DRD2: variants seen among roughly 807,000 people sequenced by gnomAD.
DRD2 encodes D(2) dopamine receptor.
A neutral mutation model predicts 38.0 loss-of-function variants in DRD2; 8 were observed. The observed-to-expected ratio is 0.21, with a 90% CI of 0.12 to 0.38. The LOEUF (loss-of-function observed/expected upper bound fraction) is 0.38. Ranked by LOEUF, DRD2 falls within the 10% of genes least tolerant of loss-of-function variation. The probability of loss-of-function intolerance (pLI) is 1.00; values close to 1 mark genes in which losing one functional copy is unlikely to be tolerated. For missense variants in DRD2, 403 were observed against 607.7 expected, an observed-to-expected ratio of 0.66 and a Z score of 3.54; for synonymous variants, 230 against 238.6, an observed-to-expected ratio of 0.96 and a Z score of 0.33.
intron 1 of DRD2, among the ~76,000 whole-genome samples, chr11:113,438,897 G>A (rs4620755): frequency 0.18 from 28,051 of 152,102 alleles, 3,103 homozygotes; most frequent in East Asian, 0.43. Context: ...GTGGATGTCT[G>A]ACATGCAGAA....
intron 2 of DRD2, among the ~76,000 whole-genome samples, chr11:113,423,118 C>A (rs1950902036): frequency 6.6e-6 from 1 of 152,120 alleles, no homozygotes; most frequent in Non-Finnish European, 1.5e-5. Flanking sequence ...ACCGATGATC[C>A]CTAAATGCTC....
intron 1 of DRD2, among the ~76,000 whole-genome samples, chr11:113,433,420 A>G (rs1384696830): frequency 6.6e-6 from 1 of 152,180 alleles, no homozygotes; most frequent in Admixed American, 6.5e-5. Flanking sequence ...CTAGAGACCT[A>G]GGCTGGGGGA....
chr11:113,445,099 AC>A (rs917777217), intron 1 of DRD2, among the ~76,000 whole-genome samples: 4 of 152,200 alleles, frequency 2.6e-5, no homozygotes, highest in African/African-American at 9.7e-5. Flanking sequence ...TTCTGAAAAC[AC>A]CTGACCAGCA....
intron 1 of DRD2, among the ~76,000 whole-genome samples, chr11:113,466,220 A>G (rs559791393): frequency 6.6e-6 from 1 of 152,350 alleles, no homozygotes; most frequent in South Asian, 2.1e-4. Flanking sequence ...TTGTGGAAAG[A>G]TAGGTTCAAA....
At chr11:113,434,159 G>A (rs1307368248) in intron 1 of DRD2, among the ~76,000 whole-genome samples, 3 of 152,200 alleles carry the variant, frequency 2.0e-5, no homozygotes, top group South Asian at 2.1e-4. Flanking sequence ...TGTGCTCCTC[G>A]GTGACACCCA....
chr11:113,432,288 TTCTCTCTCTC>T (rs56097058), intron 1 of DRD2, among the ~76,000 whole-genome samples: 5,720 of 136,278 alleles, frequency 0.042, 247 homozygotes, highest in African/African-American at 0.11. Flanking sequence ...GATCCTCTCT[TTCTCTCTCTC>T]TCTCTCTCTC....
At chr11:113,419,140 A>G (rs78044862) in intron 2 of DRD2, among the ~76,000 whole-genome samples, 8,937 of 152,294 alleles carry the variant, frequency 0.059, 370 homozygotes, top group Middle Eastern at 0.15. Flanking sequence ...GCTCTGGCCC[A>G]GGCTCTGGCT....
chr11:113,465,370 C>T (rs922470564), intron 1 of DRD2, among the ~76,000 whole-genome samples: 1 of 152,152 alleles, frequency 6.6e-6, no homozygotes, highest in Non-Finnish European at 1.5e-5. Context: ...GCTGGGATTA[C>T]AGGCATGAGC....
intron 5 of DRD2, among the ~76,000 whole-genome samples, chr11:113,414,764 T>C (rs1352792117): frequency 6.6e-6 from 1 of 152,210 alleles, no homozygotes; most frequent in Non-Finnish European, 1.5e-5. Flanking sequence ...GTGAGGCTGG[T>C]ATTTTGATTC....
At chr11:113,454,513 C>G (rs1951248642) in intron 1 of DRD2, among the ~76,000 whole-genome samples, 3 of 152,126 alleles carry the variant, frequency 2.0e-5, no homozygotes, top group African/African-American at 7.2e-5. Flanking sequence ...TTGTGACCCA[C>G]CCATCCCCCT....
At chr11:113,473,461 C>T (rs948908639) in intron 1 of DRD2, among the ~76,000 whole-genome samples, 3 of 152,192 alleles carry the variant, frequency 2.0e-5, no homozygotes, top group African/African-American at 4.8e-5. Flanking sequence ...TAGAGAAATG[C>T]TGCCCGGACT....
chr11:113,455,680 T>A (rs983494928), intron 1 of DRD2, among the ~76,000 whole-genome samples: 4 of 152,154 alleles, frequency 2.6e-5, no homozygotes, highest in African/African-American at 7.2e-5. Flanking sequence ...ATATATTTTT[T>A]AAAAATGCTC....
intron 2 of DRD2, 22 bp from the exon 3 acceptor site, chr11:113,418,158 G>A (rs1415360234): frequency 1.3e-6 from 2 of 1,592,236 alleles, no homozygotes; most frequent in Admixed American, 3.3e-5. Flanking sequence ...GCAACATAAT[G>A]GATGGACAGC....
At chr11:113,440,090 A>G (rs973174141) in intron 1 of DRD2, among the ~76,000 whole-genome samples, 1 of 151,984 alleles carries the variant, frequency 6.6e-6, no homozygotes, top group Non-Finnish European at 1.5e-5. Context: ...ACTTAAGGAG[A>G]GTAATTCTGG....
chr11:113,473,620 T>C (rs1420989529), intron 1 of DRD2, among the ~76,000 whole-genome samples: 1 of 152,154 alleles, frequency 6.6e-6, no homozygotes, highest in Non-Finnish European at 1.5e-5. Context: ...CCTTGTCAGA[T>C]GTCTGCATTC....
At position 113,410,622 on chromosome 11, in the gene DRD2, G is replaced by A. The variant is rs1314565671; in HGVS notation, c.*105C>T. 1 of 1,427,476 alleles carries A rather than the reference G, an allele frequency of 7.0e-7. No homozygotes were observed. The highest frequency in any genetic ancestry group is 9.9e-7 in the Non-Finnish European group (1 of 1,014,034). 88.4% of individuals were successfully genotyped at this position (1,427,476 alleles called of 1,614,324 possible). On this transcript the variant is annotated 3_prime_UTR_variant, in exon 8 of 8. Transcript: ENST00000362072. ...CTGCAGGGCCTGCCGGGGTGAAGAG[G>A]AGGCCGATCCACCCAGGCCTTCCTG...
At chr11:113,462,975 G>A (rs967248305) in intron 1 of DRD2, among the ~76,000 whole-genome samples, 4 of 151,790 alleles carry the variant, frequency 2.6e-5, no homozygotes, top group African/African-American at 9.7e-5. Context: ...TGGACCTTAG[G>A]TGGTTAGTAT....
At chr11:113,424,713 G>A (rs201888901) in intron 1 of DRD2, 31 bp from the exon 2 acceptor site, 328 of 1,608,838 alleles carry the variant, frequency 2.0e-4, no homozygotes, top group Non-Finnish European at 2.7e-4. Flanking sequence ...CAAGGTGTCA[G>A]TGAGAGGGCC....
chr11:113,419,324 A>G (rs1179709928), intron 2 of DRD2, among the ~76,000 whole-genome samples: 1 of 152,222 alleles, frequency 6.6e-6, no homozygotes, highest in African/African-American at 2.4e-5. Context: ...GTGCTCGAGG[A>G]ACACCCGAGT....
Sources: allele counts gnomAD v4.1 joint callset (sites outside exome capture counted in the v4.1 genomes callset), GRCh38; gene constraint gnomAD v4.1.1; transcripts MANE v1.5; gene names NCBI Gene and HGNC (gene_info 2026-07-23, HGNC 2026-07-21).